CPLANE1: variants seen among roughly 807,000 people sequenced by gnomAD.
The protein encoded by CPLANE1 is ciliogenesis and planar polarity effector 1.
CPLANE1 carries 263 observed loss-of-function variants against 362.5 expected under a neutral mutation model. That is an observed-to-expected ratio of 0.73 (90% confidence interval 0.66 to 0.80). CPLANE1 has a LOEUF of 0.80. Among genes scored for constraint, CPLANE1 ranks in the 30% least tolerant of loss-of-function variants. The probability of loss-of-function intolerance (pLI) is 0.00; values close to 1 mark genes in which losing one functional copy is unlikely to be tolerated. For synonymous variants in CPLANE1, 1,212 were observed against 1,302.6 expected (o/e 0.93, Z 1.50); for missense variants, 3,461 against 3,793.4 (o/e 0.91, Z 2.30).
chr5:37,114,429 G>A (rs1760292762), intron 51 of CPLANE1, among the ~76,000 whole-genome samples: 1 of 152,128 alleles, frequency 6.6e-6, no homozygotes, highest in Non-Finnish European at 1.5e-5. Flanking sequence ...TTTTCCAGGT[G>A]AGAAAATTAA....
At chr5:37,186,831 G>A (rs1252509819) in intron 23 of CPLANE1, among the ~76,000 whole-genome samples, 2 of 151,908 alleles carry the variant, frequency 1.3e-5, no homozygotes, top group Non-Finnish European at 1.5e-5. Flanking sequence ...AGGCCGAGGC[G>A]GGCAGATCAC....
chr5:37,213,595 G>A lies in CPLANE1; in HGVS notation c.2884C>T (p.His962Tyr). The A allele has an allele frequency of 6.5e-7, 1 of 1,547,590 alleles. No individual in the cohort carries two copies. Residue 962 changes from histidine to tyrosine, a missense_variant, in exon 16 of 53, where the codon CAT (histidine) becomes TAT (tyrosine). Around this residue, in one of 2 missense-constraint regions of CPLANE1, gnomAD observed 3,380 missense variants for 3,666.1 expected, o/e 0.92. Coordinates refer to ENST00000651892, the MANE Select transcript of CPLANE1 (RefSeq NM_001384732.1). ...TGAAGTGGGGGAAGAACATTCACATGATGAGGGGGCAAAATGCAAAGCTGC... is the reference window on the plus strand; with the variant it reads ...TGAAGTGGGGGAAGAACATTCACATAATGAGGGGGCAAAATGCAAAGCTGC... ...NQQLCILPPH[H>Y]VNVLPPLHIK...
chr5:37,169,980 G>A, intron 33 of CPLANE1, 61 bp downstream of exon 33: 1 of 1,526,734 alleles, frequency 6.5e-7, no homozygotes, highest in Non-Finnish European at 8.9e-7. Flanking sequence ...CTGCCAAAGT[G>A]CTGGGATTAC....
At position 37,106,801 on chromosome 5, in the gene CPLANE1, A is replaced by C. The variant is rs1757715256; in HGVS notation, c.*801T>G. ...TCAGATGATAGTGTGCTTTTATATT[A>C]TACCAAACATTGATGAAGTAGTTGA... On this transcript the variant is annotated 3_prime_UTR_variant, in exon 53 of 53. Transcript: ENST00000651892. The C allele has an allele frequency of 1.0e-6, 1 of 952,624 alleles. No homozygotes were observed. The highest frequency in any genetic ancestry group is 1.2e-6 in the Non-Finnish European group (1 of 800,260). The allele number at this position is 952,624 out of a possible 1,614,324, so 59.0% of individuals were successfully genotyped here.
intron 12 of CPLANE1, among the ~76,000 whole-genome samples, chr5:37,225,545 G>A (rs1237418888): frequency 6.6e-6 from 1 of 152,038 alleles, no homozygotes; most frequent in African/African-American, 2.4e-5. Flanking sequence ...TTTTTAAAGA[G>A]GTCATTTTTT....
intron 26 of CPLANE1, among the ~76,000 whole-genome samples, chr5:37,181,646 C>T (rs1166435951): frequency 6.6e-6 from 1 of 152,132 alleles, no homozygotes; most frequent in African/African-American, 2.4e-5. Context: ...GAAACCCTGT[C>T]TTTATAAAAA....
intron 46 of CPLANE1, among the ~76,000 whole-genome samples, chr5:37,126,188 G>A (rs1000953120): frequency 1.3e-5 from 2 of 152,212 alleles, no homozygotes; most frequent in Admixed American, 1.3e-4. Flanking sequence ...GCAGTGAGCA[G>A]TGACTGTGCC....
At chr5:37,193,896 C>T (rs963889034) in intron 21 of CPLANE1, among the ~76,000 whole-genome samples, 1 of 151,110 alleles carries the variant, frequency 6.6e-6, no homozygotes, top group African/African-American at 2.4e-5. Flanking sequence ...TAAGCCACCG[C>T]ACCTGGCCAG....
chr5:37,149,852 C>T (rs538840580), intron 42 of CPLANE1, among the ~76,000 whole-genome samples: 44 of 152,116 alleles, frequency 2.9e-4, no homozygotes, highest in Non-Finnish European at 4.9e-4. Context: ...CAACCTTGTA[C>T]CACAATTATA....
At chr5:37,213,788 T>TAA in intron 15 of CPLANE1, 56 bp from the exon 16 acceptor site, 1 of 1,308,704 alleles carries the variant, frequency 7.6e-7, no homozygotes. Flanking sequence ...AAAGTAATAA[T>TAA]ATTTAAGTTC....
chr5:37,123,914 T>C (rs1455626523), intron 47 of CPLANE1, among the ~76,000 whole-genome samples: 2 of 145,192 alleles, frequency 1.4e-5, no homozygotes, highest in African/African-American at 5.3e-5. Context: ...CCATTCTACA[T>C]TAGGCTAGGG....
Position 37,182,926 on chromosome 5 carries a change from C to T in CPLANE1, c.5255G>A (p.Arg1752Lys), listed in dbSNP as rs763933855. Residue 1752 changes from arginine (R) to lysine (K), a missense_variant, in exon 26 of 53, where the codon AGG (arginine) becomes AAG (lysine). Around this residue, in one of 2 missense-constraint regions of CPLANE1, gnomAD observed 3,380 missense variants for 3,666.1 expected, o/e 0.92. Transcript: ENST00000651892. ...SIGRLLEWMI[R>K]WSNRRLLCDS... ...ACAGAGTAGCCTTCTATTAGACCAC[C>T]TTATCATCCATTCCAGCAGTCTTCC... The T allele has an allele frequency of 1.1e-5, 17 of 1,605,162 alleles. No homozygotes were observed. Among genetic ancestry groups the T allele is most frequent in the Admixed American group, 1.7e-5 (1 of 58,426 alleles).
chr5:37,126,210 G>A (rs1240624974), intron 46 of CPLANE1, among the ~76,000 whole-genome samples: 1 of 152,186 alleles, frequency 6.6e-6, no homozygotes, highest in African/African-American at 2.4e-5. Context: ...CTGCATTCCA[G>A]CCTGGGTGAC....
chr5:37,246,112 C>A (rs2150834009), intron 2 of CPLANE1: 1 of 211,356 alleles, frequency 4.7e-6, no homozygotes, highest in Non-Finnish European at 9.1e-6. Context: ...GGAGTGTCCT[C>A]TAATTCTGCT....
Position 37,209,839 on chromosome 5 carries a change from T to C in CPLANE1, c.2921-3414A>G, listed in dbSNP as rs538048271. 2,554 of 1,349,310 alleles carry C rather than the reference T, an allele frequency of 1.9e-3. 2 individuals carry two copies. The highest frequency in any genetic ancestry group is 2.3e-3 in the Non-Finnish European group (2,122 of 940,988). 83.6% of individuals were successfully genotyped at this position (1,349,310 alleles called of 1,614,324 possible). A position where few individuals can be genotyped will look rare whatever the true frequency, so the allele number is the denominator to read the frequency against. ...CATCAAGCTAAAGAAAGTTGTAATA[T>C]GGAAACTCAGACAAGTTCGACATTT... On this transcript the variant is annotated intron_variant, in intron 16 of 52. Transcript: ENST00000651892. The surrounding 1 kb of genome is among the most constrained non-coding windows in gnomAD (Gnocchi z 4.6).
intron 51 of CPLANE1, among the ~76,000 whole-genome samples, chr5:37,111,437 AG>A (rs2149915623): frequency 6.6e-6 from 1 of 152,228 alleles, no homozygotes; most frequent in South Asian, 2.1e-4. Flanking sequence ...AACTTTCTAT[AG>A]GGTGAAGGAA....
In CPLANE1 at chr5:37,169,380, T is replaced by C. The variant is rs556705113; in HGVS notation, c.6644A>G (p.His2215Arg). ...ATCACCAGGACTAAATGTTTTTGCA[T>C]GTGGGATAAGTCTAGGTGCCTTCTG... Reference protein sequence around the residue: ...VVQKAPRLIPHAKTFSPGDGF... With the variant: ...VVQKAPRLIPRAKTFSPGDGF... Residue 2215 changes from histidine to arginine, a missense_variant, in exon 34 of 53, where the codon CAT becomes CGT. Transcript: ENST00000651892. 53 of 1,614,186 alleles carry C rather than the reference T, an allele frequency of 3.3e-5. No homozygotes were observed. In the South Asian group the frequency reaches 5.6e-4, roughly 17 times the overall value.
chr5:37,231,433 G>A (rs1797714374), intron 8 of CPLANE1, among the ~76,000 whole-genome samples: 1 of 152,184 alleles, frequency 6.6e-6, no homozygotes, highest in Non-Finnish European at 1.5e-5. Flanking sequence ...CAGGCGTGGT[G>A]GCGGGTGCCC....
At chr5:37,128,218 G>A (rs1764780994) in intron 46 of CPLANE1, among the ~76,000 whole-genome samples, 1 of 152,056 alleles carries the variant, frequency 6.6e-6, no homozygotes. Context: ...TGTTGCCCCT[G>A]TATTCTTTAT....
Sources: gnomAD v4.1 joint callset for allele counts (sites outside exome capture counted in the v4.1 genomes callset) on GRCh38, gnomAD v4.1.1 for gene constraint, gnomAD v4.1.1 regional missense constraint, Gnocchi (gnomAD v3.1) non-coding constraint, MANE v1.5 for transcripts, NCBI Gene and HGNC (gene_info 2026-07-23, HGNC 2026-07-21) for gene names.